SEMA4F: variants seen among roughly 807,000 people sequenced by gnomAD.
SEMA4F encodes the protein ssemaphorin 4F.
In SEMA4F, 51 loss-of-function variants were observed where a neutral mutation model predicts 78.4. The ratio of observed to expected loss-of-function variants is 0.65; its 90% CI spans 0.52 to 0.82. SEMA4F has a LOEUF of 0.82. SEMA4F is among the 40% of genes least tolerant of loss of function. SEMA4F has a pLI of 0.00. For missense variants in SEMA4F, 938 were observed against 1,014.4 expected (o/e 0.92, Z 1.02); for synonymous variants, 418 against 408.7 (o/e 1.02, Z -0.27).
At chr2:74,691,468 C>T in the SEMA4F span, among the ~76,000 whole-genome samples, 2 of 152,146 alleles carry the variant, frequency 1.3e-5, no homozygotes, top group Non-Finnish European at 2.9e-5. Flanking sequence ...CTTGGGGTTA[C>T]GTTATAAACA....
chr2:74,675,418 G>A (rs779875833), intron 10 of SEMA4F, 34 bp downstream of exon 10: 13 of 1,603,230 alleles, frequency 8.1e-6, no homozygotes, highest in Non-Finnish European at 7.7e-6. Context: ...TGCCTACCTA[G>A]TGCATACACA....
At position 74,674,944 on chromosome 2, in the gene SEMA4F, T is replaced by C. The variant is rs71418744; in HGVS notation, c.1058T>C (p.Val353Ala). 3.7e-3 allele frequency: 5,971 copies of C among 1,613,888 alleles called. 24 individuals carry two copies. Among genetic ancestry groups the C allele is most frequent in the Non-Finnish European group, 3.7e-3 (4,405 of 1,179,950 alleles). ...CAFRPQDIRTVLNGPFRELKH... is the reference protein window; with the variant it reads ...CAFRPQDIRTALNGPFRELKH... ...TTCCGACCACAAGACATTCGGACAG[T>C]GCTGAATGGTCCCTTCAGAGAACTA... Residue 353 changes from valine to alanine, a missense_variant, in exon 9 of 14, where the codon GTG becomes GCG. Coordinates refer to ENST00000357877, the MANE Select transcript of SEMA4F (RefSeq NM_004263.5).
At chr2:74,690,356 T>G in the SEMA4F span, among the ~76,000 whole-genome samples, 1 of 152,246 alleles carries the variant, frequency 6.6e-6, no homozygotes, top group African/African-American at 2.4e-5. Context: ...ACTTTTGATT[T>G]ACTGTCTTAT....
intron 1 of SEMA4F, chr2:74,655,444 T>C (rs1267059199): frequency 4.7e-6 from 1 of 211,714 alleles, no homozygotes; most frequent in Non-Finnish European, 1.1e-5. Context: ...TTGAGTGTTA[T>C]TAGCACCTTG....
At chr2:74,696,431 C>G in the SEMA4F span, among the ~76,000 whole-genome samples, 687 of 152,214 alleles carry the variant, frequency 4.5e-3, 6 homozygotes, top group African/African-American at 0.016. Context: ...CTCCTGACCT[C>G]AGGTGATCCA....
the SEMA4F span, among the ~76,000 whole-genome samples, chr2:74,705,179 C>T: frequency 1.4e-4 from 22 of 152,260 alleles, no homozygotes; most frequent in East Asian, 1.9e-4. Flanking sequence ...AAAGAATGAC[C>T]GTATACCCTG....
the SEMA4F span, among the ~76,000 whole-genome samples, chr2:74,706,645 A>G: frequency 1.3e-5 from 2 of 152,198 alleles, no homozygotes; most frequent in South Asian, 2.1e-4. Context: ...AGTTTCTGAC[A>G]CAGGCAGTAC....
chr2:74,692,004 G>T, the SEMA4F span, among the ~76,000 whole-genome samples: 1 of 152,314 alleles, frequency 6.6e-6, no homozygotes, highest in East Asian at 1.9e-4. Flanking sequence ...ACCACCCTCC[G>T]ATGGTGTGGT....
At chr2:74,657,648 CT>C (rs1684222971) in intron 3 of SEMA4F, 24 bp downstream of exon 3, 1 of 1,611,948 alleles carries the variant, frequency 6.2e-7, no homozygotes, top group East Asian at 2.2e-5. Flanking sequence ...TGAGCCCTGT[CT>C]TGAGTGTCAG....
intron 4 of SEMA4F, among the ~76,000 whole-genome samples, chr2:74,659,986 T>C (rs139024156): frequency 9.1e-4 from 138 of 152,296 alleles, no homozygotes; most frequent in Middle Eastern, 3.4e-3. Flanking sequence ...ATATCCTAAT[T>C]TGTTTTGTTG....
At chr2:74,691,046 G>T in the SEMA4F span, among the ~76,000 whole-genome samples, 78 of 152,222 alleles carry the variant, frequency 5.1e-4, 2 homozygotes, top group South Asian at 0.016. Flanking sequence ...GGTATTATTG[G>T]CTTCATTTTA....
chr2:74,680,417 C>A lies in SEMA4F; in HGVS notation c.*208C>A. The A allele has an allele frequency of 1.9e-6, 1 of 538,180 alleles. No individual in the cohort carries two copies. Among genetic ancestry groups the A allele is most frequent in the East Asian group, 3.1e-5 (1 of 32,716 alleles). 33.3% of individuals were successfully genotyped at this position (538,180 alleles called of 1,614,324 possible). On this transcript the variant is annotated 3_prime_UTR_variant, in exon 14 of 14. Coordinates refer to ENST00000357877, the MANE Select transcript of SEMA4F (RefSeq NM_004263.5). The stretch of plus-strand genomic sequence containing the variant: ...CTGATTCCTGATTCCCATGAGAAAT[C>A]AGAACTGCTTTCTGCAGCAAATCAG...
At chr2:74,654,770 G>C (rs1684031971) in intron 1 of SEMA4F, among the ~76,000 whole-genome samples, 1 of 152,198 alleles carries the variant, frequency 6.6e-6, no homozygotes, top group Non-Finnish European at 1.5e-5. Context: ...GACACGCCCA[G>C]GCTGCACCAG....
chr2:74,657,686 T>C, intron 3 of SEMA4F, 62 bp downstream of exon 3: 1 of 1,541,588 alleles, frequency 6.5e-7, no homozygotes, highest in Admixed American at 1.7e-5. Context: ...GCCCTGACTC[T>C]CAGTCCCCTG....
downstream of SEMA4F, among the ~76,000 whole-genome samples, chr2:74,686,464 G>T (rs1685824733): frequency 6.6e-6 from 1 of 152,230 alleles, no homozygotes; most frequent in Non-Finnish European, 1.5e-5. Flanking sequence ...GTGGAGGACA[G>T]TGTGGGGATT....
chr2:74,666,288 G>A (rs931783422), intron 5 of SEMA4F, among the ~76,000 whole-genome samples: 2 of 152,214 alleles, frequency 1.3e-5, no homozygotes, highest in African/African-American at 4.8e-5. Context: ...ATATTAGAAT[G>A]TGGTTTAAGA....
At position 74,679,619 on chromosome 2, in the gene SEMA4F, G is replaced by A; in HGVS notation, c.1723G>A (p.Val575Ile). The change falls in exon 14 of 14, where the codon GTT becomes ATT. Residue 575 changes from valine (V) to isoleucine (I), a missense_variant. By Grantham distance (29) the Val-to-Ile change is conservative. Coordinates refer to ENST00000357877, the MANE Select transcript of SEMA4F (RefSeq NM_004263.5). ...CACAGAACGTCCAGTAGTGTTTGAA[G>A]TTCCCGTGGCTACAGCTGCGCATGT... is the stretch of plus-strand genomic sequence containing the variant. ...EPGERPVVFE[V>I]PVATAAHVVL... 6.2e-7 allele frequency: 1 copy of A among 1,604,316 alleles called. No individual in the cohort carries two copies. The highest frequency in any genetic ancestry group is 1.3e-5 in the African/African-American group (1 of 74,924).
intron 1 of SEMA4F, chr2:74,655,293 G>T (rs979308301): frequency 2.5e-6 from 1 of 404,998 alleles, no homozygotes; most frequent in Non-Finnish European, 5.1e-6. Flanking sequence ...TAGAGGAGGG[G>T]GATATGATCC....
intron 5 of SEMA4F, among the ~76,000 whole-genome samples, chr2:74,665,230 T>C (rs1267431054): frequency 8.1e-6 from 1 of 123,862 alleles, no homozygotes; most frequent in African/African-American, 4.8e-5. Context: ...CTCTTTTTCT[T>C]TTTTTTTTTT....
Sources: gnomAD v4.1 joint callset for allele counts (sites outside exome capture counted in the v4.1 genomes callset) on GRCh38, gnomAD v4.1.1 for gene constraint, MANE v1.5 for transcripts, NCBI Gene and HGNC (gene_info 2026-07-23, HGNC 2026-07-21) for gene names.